Variants in GPHN observed in about 807,000 individuals in gnomAD.
GPHN encodes the protein gephyrin.
A neutral mutation model predicts 95.5 loss-of-function variants in GPHN; 17 were observed. The observed-to-expected ratio is 0.18, with a 90% CI of 0.12 to 0.27. The LOEUF is 0.27. GPHN is among the 10% of genes least tolerant of loss of function. The pLI, the probability that GPHN is intolerant of heterozygous loss-of-function variation, is 1.00. For synonymous variants in GPHN, 320 were observed against 322.5 expected (o/e 0.99, Z 0.08); for missense variants, 660 against 978.1 (o/e 0.67, Z 4.34).
chr14:67,617,596 A>G, the GPHN span, among the ~76,000 whole-genome samples: 1 of 152,228 alleles, frequency 6.6e-6, no homozygotes, highest in Non-Finnish European at 1.5e-5. Flanking sequence ...CTAGTAATTT[A>G]TCTCTGACTA....
the GPHN span, among the ~76,000 whole-genome samples, chr14:67,525,711 C>T: frequency 4.6e-5 from 7 of 152,144 alleles, no homozygotes; most frequent in East Asian, 3.8e-4. Flanking sequence ...TTATGCTTGA[C>T]GGGAAAATAT....
chr14:67,543,184 C>T, the GPHN span, among the ~76,000 whole-genome samples: 30 of 152,310 alleles, frequency 2.0e-4, no homozygotes, highest in Non-Finnish European at 3.5e-4. Context: ...GAAAATTCAG[C>T]TCACACCTCT....
chr14:67,225,962 T>TGTGCGC, the GPHN span, among the ~76,000 whole-genome samples: 141 of 113,510 alleles, frequency 1.2e-3, no homozygotes, highest in African/African-American at 1.8e-3. Context: ...TGTGTGTGTG[T>TGTGCGC]GCGCGCGCGC....
chr14:67,505,520 G>A, the GPHN span, among the ~76,000 whole-genome samples: 1 of 152,146 alleles, frequency 6.6e-6, no homozygotes, highest in African/African-American at 2.4e-5. Context: ...GCCCAGGGAT[G>A]TGTGATTGTT....
chr14:67,575,695 T>C, the GPHN span: 4 of 770,216 alleles, frequency 5.2e-6, no homozygotes, highest in East Asian at 5.4e-5. Flanking sequence ...TGCTATAGTC[T>C]CCACCTCCCC....
At chr14:66,776,856 A>G (rs1354564408) in intron 3 of GPHN, among the ~76,000 whole-genome samples, 1 of 146,148 alleles carries the variant, frequency 6.8e-6, no homozygotes, top group East Asian at 2.0e-4. Context: ...TTTTCCCTAT[A>G]AGCCTTCACC....
At chr14:67,525,480 C>T in the GPHN span, among the ~76,000 whole-genome samples, 29 of 152,076 alleles carry the variant, frequency 1.9e-4, no homozygotes, top group Non-Finnish European at 3.4e-4. Context: ...TTTTATTTTG[C>T]TGTTATTGCT....
chr14:67,082,530 G>A (rs572203706), intron 11 of GPHN, among the ~76,000 whole-genome samples: 8 of 152,068 alleles, frequency 5.3e-5, no homozygotes, highest in Admixed American at 1.3e-4. Flanking sequence ...TTTGATTACT[G>A]TGGCTTCATA....
At chr14:66,822,057 T>C (rs1418551311) in intron 3 of GPHN, among the ~76,000 whole-genome samples, 1 of 152,184 alleles carries the variant, frequency 6.6e-6, no homozygotes, top group Non-Finnish European at 1.5e-5. Context: ...GTTCAAATGA[T>C]TCTCCTGCCT....
intron 1 of GPHN, among the ~76,000 whole-genome samples, chr14:66,633,878 C>G (rs1275672059): frequency 1.3e-5 from 2 of 150,590 alleles, no homozygotes; most frequent in African/African-American, 4.9e-5. Context: ...TGTCAAACTA[C>G]TAAAAGAAAA....
chr14:67,257,222 A>G, the GPHN span, among the ~76,000 whole-genome samples: 2 of 152,118 alleles, frequency 1.3e-5, no homozygotes, highest in Non-Finnish European at 2.9e-5. Flanking sequence ...GTGAATCTGC[A>G]TTTTTACATA....
intron 1 of GPHN, among the ~76,000 whole-genome samples, chr14:66,531,016 T>C (rs2139943579): frequency 6.8e-6 from 1 of 147,096 alleles, no homozygotes; most frequent in South Asian, 2.2e-4. Flanking sequence ...AGTGCAGTGG[T>C]GCTATCTCAG....
the GPHN span, among the ~76,000 whole-genome samples, chr14:67,361,428 T>A: frequency 2.0e-5 from 3 of 152,200 alleles, no homozygotes; most frequent in Admixed American, 2.0e-4. Context: ...ATAACTTTCT[T>A]TTTCAACTAT....
the GPHN span, chr14:67,646,655 C>T: frequency 3.1e-6 from 5 of 1,611,094 alleles, no homozygotes; most frequent in South Asian, 1.1e-5. Flanking sequence ...TACCACAACT[C>T]CCAGGATTTT....
the GPHN span, among the ~76,000 whole-genome samples, chr14:67,299,009 G>A: frequency 6.6e-6 from 1 of 152,158 alleles, no homozygotes; most frequent in Non-Finnish European, 1.5e-5. Flanking sequence ...TCAGTAGTTT[G>A]TAAATTGCTG....
chr14:67,706,188 C>T, the GPHN span: 1 of 152,214 alleles, frequency 6.6e-6, no homozygotes, highest in African/African-American at 2.4e-5. Flanking sequence ...GCTGATCAGT[C>T]GCAAGATAGT....
the GPHN span, among the ~76,000 whole-genome samples, chr14:67,632,840 A>G: frequency 1.5e-3 from 54 of 35,858 alleles, no homozygotes; most frequent in Non-Finnish European, 1.9e-3. Flanking sequence ...TTTTTTTTTG[A>G]GGCAGAGTCT....
At chr14:66,613,675 G>C (rs2062876840) in intron 1 of GPHN, among the ~76,000 whole-genome samples, 1 of 151,990 alleles carries the variant, frequency 6.6e-6, no homozygotes, top group Non-Finnish European at 1.5e-5. Flanking sequence ...AATGAAGATT[G>C]TATATGTTCT....
At chr14:67,279,549 T>C in the GPHN span, 3 of 1,517,454 alleles carry the variant, frequency 2.0e-6, no homozygotes, top group Admixed American at 2.3e-5. Context: ...TAAGTAAAAA[T>C]AGAGGTATAA....
Sources: allele counts gnomAD v4.1 joint callset (sites outside exome capture counted in the v4.1 genomes callset), GRCh38; gene constraint gnomAD v4.1.1; transcripts MANE v1.5; gene names NCBI Gene and HGNC (gene_info 2026-07-23, HGNC 2026-07-21).